The following GATAD2B variants were observed in gnomAD, a reference collection of about 807,000 sequenced individuals.
GATAD2B encodes GATA zinc finger domain containing 2B.
In GATAD2B, 8 loss-of-function variants were observed where a neutral mutation model predicts 64.3. The ratio of observed to expected loss-of-function variants is 0.12; its 90% CI spans 0.07 to 0.22. The LOEUF (loss-of-function observed/expected upper bound fraction) is 0.22. GATAD2B is among the 10% of genes least tolerant of loss of function. The pLI, the probability that GATAD2B is intolerant of heterozygous loss-of-function variation, is 1.00. For missense variants in GATAD2B, 453 were observed against 752.0 expected (o/e 0.60, Z 4.65); for synonymous variants, 281 against 271.3 (o/e 1.04, Z -0.35).
intron 1 of GATAD2B, among the ~76,000 whole-genome samples, chr1:153,864,858 C>G (rs899056007): frequency 2.0e-5 from 3 of 151,684 alleles, no homozygotes; most frequent in African/African-American, 7.3e-5. Flanking sequence ...CACTTGAGGT[C>G]AGGAGTTCGA....
intron 1 of GATAD2B, among the ~76,000 whole-genome samples, chr1:153,911,321 C>T (rs1463604560): frequency 1.3e-5 from 2 of 152,020 alleles, no homozygotes; most frequent in Admixed American, 1.3e-4. Context: ...CACATACACA[C>T]AAATCAACAA....
rs71093286 is a variant in GATAD2B at position 153,816,059 on chromosome 1, A to AACACACACACACACACACACACACAC, written c.1216+188_1216+213dup. Among the ~76,000 whole-genome samples the AACACACACACACACACACACACACAC allele has an allele frequency of 2.1e-5, 3 of 141,886 alleles. No individual in the cohort carries two copies. The highest frequency in any genetic ancestry group is 2.3e-4 in the South Asian group (1 of 4,294). The allele number at this position is 141,886 out of a possible 152,430, so 93.1% of individuals were successfully genotyped here. On this transcript the variant is annotated intron_variant, in intron 7 of 10. Transcript: ENST00000368655. This position sits in a 1 kb window ranked among gnomAD's most constrained non-coding sequence, Gnocchi z 4.9. ...CAGAGCGAGACTGCATCTCAAACAAAACACACACACACACACACACACACA... is the reference window on the plus strand; with the variant it reads ...CAGAGCGAGACTGCATCTCAAACAAAACACACACACACACACACACACACACACACACACACACACACACACACACA...
At chr1:153,834,123 C>T (rs993897874) in intron 1 of GATAD2B, among the ~76,000 whole-genome samples, 3 of 151,982 alleles carry the variant, frequency 2.0e-5, no homozygotes, top group East Asian at 2.0e-4. Flanking sequence ...CTGCCTCAGC[C>T]TTCCGTGCAG....
chr1:153,888,232 T>C (rs1185967823), intron 1 of GATAD2B, among the ~76,000 whole-genome samples: 4 of 152,130 alleles, frequency 2.6e-5, no homozygotes, highest in African/African-American at 9.7e-5. Context: ...GTGGTATACA[T>C]TTTCCTAAGG....
At chr1:153,893,289 G>C (rs1677478725) in intron 1 of GATAD2B, among the ~76,000 whole-genome samples, 1 of 152,246 alleles carries the variant, frequency 6.6e-6, no homozygotes, top group East Asian at 1.9e-4. Context: ...TCATTTTACA[G>C]GGCAGTAAAT....
chr1:153,826,070 C>A (rs947328282), intron 2 of GATAD2B, among the ~76,000 whole-genome samples: 1 of 151,630 alleles, frequency 6.6e-6, no homozygotes, highest in Non-Finnish European at 1.5e-5. Context: ...GTGGAGCAAT[C>A]GCGGCTCACT....
At chr1:153,810,392 G>GTTGGAGATGGAAAGGAAGCAGAA (rs2101873676) in intron 10 of GATAD2B, 82 bp from the exon 11 acceptor site, 1 of 1,419,302 alleles carries the variant, frequency 7.0e-7, no homozygotes, top group African/African-American at 1.4e-5. Context: ...GGGCTGCAGA[G>GTTGGAGATGGAAAGGAAGCAGAA]TTGGAGATGG....
At chr1:153,914,058 C>T (rs1678182196) in intron 1 of GATAD2B, among the ~76,000 whole-genome samples, 1 of 151,638 alleles carries the variant, frequency 6.6e-6, no homozygotes, top group Non-Finnish European at 1.5e-5. Flanking sequence ...GCCTGGCCAA[C>T]ACAGTGAAAC....
chr1:153,827,797 C>T (rs1216559711), intron 2 of GATAD2B, among the ~76,000 whole-genome samples: 1 of 152,026 alleles, frequency 6.6e-6, no homozygotes, highest in Non-Finnish European at 1.5e-5. Context: ...CATTTTTTCT[C>T]TTAAGAGTAA....
At chr1:153,836,551 T>TA (rs1675274853) in intron 1 of GATAD2B, among the ~76,000 whole-genome samples, 1 of 41,538 alleles carries the variant, frequency 2.4e-5, no homozygotes, top group Non-Finnish European at 9.8e-5. Flanking sequence ...GCACCCAGCC[T>TA]AAAAAAGTTA....
At chr1:153,853,423 G>T in intron 1 of GATAD2B, 1 of 632,830 alleles carries the variant, frequency 1.6e-6, no homozygotes, top group Non-Finnish European at 2.9e-6. Context: ...TTTTCTTCCT[G>T]GAGAAATAAA....
intron 1 of GATAD2B, among the ~76,000 whole-genome samples, chr1:153,830,220 C>T (rs1158068541): frequency 1.3e-5 from 2 of 152,026 alleles, no homozygotes; most frequent in African/African-American, 4.8e-5. Context: ...GATCTCAGCT[C>T]ACTGCAACCT....
chr1:153,811,110 A>C (rs1267817313), intron 10 of GATAD2B, among the ~76,000 whole-genome samples: 1 of 152,168 alleles, frequency 6.6e-6, no homozygotes, highest in East Asian at 1.9e-4. Context: ...CATGTTGGTC[A>C]GCCTGGTCTT....
At chr1:153,820,588 G>A (rs1012781253) in intron 2 of GATAD2B, among the ~76,000 whole-genome samples, 5 of 151,994 alleles carry the variant, frequency 3.3e-5, no homozygotes, top group Admixed American at 6.6e-5. Context: ...GATTGTCAGC[G>A]TAGTTGGTAG....
intron 1 of GATAD2B, among the ~76,000 whole-genome samples, chr1:153,900,801 A>G (rs1677744213): frequency 6.6e-6 from 1 of 152,200 alleles, no homozygotes; most frequent in South Asian, 2.1e-4. Flanking sequence ...AGACAATATG[A>G]AAAAAAATGA....
At chr1:153,865,078 T>TA (rs1676430938) in intron 1 of GATAD2B, among the ~76,000 whole-genome samples, 1 of 147,926 alleles carries the variant, frequency 6.8e-6, no homozygotes, top group Admixed American at 6.8e-5. Context: ...TCAAAAAAAA[T>TA]AGTATTATTT....
At chr1:153,818,956 C>T (rs746093593) in intron 3 of GATAD2B, 34 bp from the exon 4 acceptor site, 3 of 1,599,636 alleles carry the variant, frequency 1.9e-6, no homozygotes, top group African/African-American at 1.3e-5. Context: ...GCTATGGCAG[C>T]AAGGTACCCA....
At chr1:153,857,729 T>A (rs1280150919) in intron 1 of GATAD2B, among the ~76,000 whole-genome samples, 2 of 152,158 alleles carry the variant, frequency 1.3e-5, no homozygotes, top group Non-Finnish European at 2.9e-5. Flanking sequence ...TTCTTACATG[T>A]GAAGAAGAGC....
chr1:153,902,305 A>G (rs576936037), intron 1 of GATAD2B, among the ~76,000 whole-genome samples: 9 of 152,332 alleles, frequency 5.9e-5, no homozygotes, highest in Non-Finnish European at 1.2e-4. Flanking sequence ...AAAGAAAAAA[A>G]AAAGAATTTT....
Sources: gnomAD v4.1 joint callset for allele counts (sites outside exome capture counted in the v4.1 genomes callset) on GRCh38, gnomAD v4.1.1 for gene constraint, Gnocchi (gnomAD v3.1) non-coding constraint, MANE v1.5 for transcripts, NCBI Gene and HGNC (gene_info 2026-07-23, HGNC 2026-07-21) for gene names.